The following RASGRF2 variants were observed in gnomAD, a reference collection of about 807,000 sequenced individuals.
RASGRF2 encodes Ras protein specific guanine nucleotide releasing factor 2.
Under a neutral mutation model 151.0 loss-of-function variants are expected in RASGRF2, and 76 were observed. The observed-to-expected ratio is 0.50, with a 90% confidence interval of 0.42 to 0.61. The LOEUF is 0.61. Among genes scored for constraint, RASGRF2 ranks in the 20% least tolerant of loss-of-function variants. The pLI, the probability that RASGRF2 is intolerant of heterozygous loss-of-function variation, is 0.00. For missense variants in RASGRF2, 1,148 were observed against 1,564.6 expected, an observed-to-expected ratio of 0.73 and a Z score of 4.49; for synonymous variants, 504 against 566.5, an observed-to-expected ratio of 0.89 and a Z score of 1.57.
At chr5:80,962,656 T>C (rs553175045) in intron 1 of RASGRF2, among the ~76,000 whole-genome samples, 91 of 152,194 alleles carry the variant, frequency 6.0e-4, no homozygotes, top group Non-Finnish European at 8.2e-4. Context: ...CCTGTTACAA[T>C]TCATATGGCT....
chr5:81,179,395 G>A (rs916826624), intron 17 of RASGRF2, among the ~76,000 whole-genome samples: 3 of 152,194 alleles, frequency 2.0e-5, no homozygotes, highest in African/African-American at 7.2e-5. Context: ...GTGGGAAACC[G>A]GTCACCAGAG....
intron 15 of RASGRF2, among the ~76,000 whole-genome samples, chr5:81,120,921 C>T (rs577963147): frequency 1.1e-4 from 16 of 152,268 alleles, no homozygotes; most frequent in Non-Finnish European, 1.9e-4. Context: ...AATTAAGGCT[C>T]GGGTTGAGGT....
In RASGRF2 at chr5:81,180,299, T is replaced by C; in HGVS notation, c.2793+18T>C. 7.0e-7 allele frequency: 1 copy of C among 1,435,172 alleles called. No individual in the cohort carries two copies. Among genetic ancestry groups the C allele is most frequent in the Non-Finnish European group, 9.8e-7 (1 of 1,017,324 alleles). The allele number at this position is 1,435,172 out of a possible 1,614,324, so 88.9% of individuals were successfully genotyped here. On this transcript the variant is annotated intron_variant, in intron 18 of 26. Transcript: ENST00000265080. ...ACGCACAGGTAAGTCAGTGCCCTCA[T>C]TAATTACTTGCAAGGATTTTTTAAA...
At chr5:80,989,454 C>A (rs1748580369) in intron 1 of RASGRF2, among the ~76,000 whole-genome samples, 2 of 152,134 alleles carry the variant, frequency 1.3e-5, no homozygotes, top group Admixed American at 1.3e-4. Context: ...TTGCTCATTT[C>A]TGTTTGGCTA....
chr5:81,014,570 G>A (rs1749570637), intron 1 of RASGRF2, among the ~76,000 whole-genome samples: 1 of 152,172 alleles, frequency 6.6e-6, no homozygotes, highest in Admixed American at 6.5e-5. Context: ...TGAGATTTGG[G>A]TTGGGAAACA....
intron 12 of RASGRF2, among the ~76,000 whole-genome samples, chr5:81,096,876 C>CA (rs201130339): frequency 6.7e-5 from 10 of 148,914 alleles, no homozygotes; most frequent in East Asian, 2.0e-4. Context: ...TGCTGCTTAG[C>CA]AAAAAAAAAT....
chr5:81,014,579 C>A (rs981344219), intron 1 of RASGRF2, among the ~76,000 whole-genome samples: 2 of 152,182 alleles, frequency 1.3e-5, no homozygotes, highest in Admixed American at 1.3e-4. Flanking sequence ...GGTTGGGAAA[C>A]AGCCAAACCA....
At chr5:81,221,554 G>A (rs1755857543) in intron 26 of RASGRF2, among the ~76,000 whole-genome samples, 1 of 152,080 alleles carries the variant, frequency 6.6e-6, no homozygotes, top group Non-Finnish European at 1.5e-5. Flanking sequence ...CTTTCTGATA[G>A]TATAAGATGC....
intron 1 of RASGRF2, among the ~76,000 whole-genome samples, chr5:81,004,071 C>T (rs1243949557): frequency 1.3e-5 from 2 of 152,152 alleles, no homozygotes; most frequent in Non-Finnish European, 2.9e-5. Flanking sequence ...GGGTCCCTGC[C>T]CCAGAGCTGT....
chr5:81,208,673 TC>T (rs139747197), intron 22 of RASGRF2, among the ~76,000 whole-genome samples: 44,681 of 149,850 alleles, frequency 0.3, 6,967 homozygotes, highest in Middle Eastern at 0.39. Context: ...TGCCTCAGCC[TC>T]CCGAGTAGCT....
chr5:81,032,298 A>G (rs888769031), intron 1 of RASGRF2, among the ~76,000 whole-genome samples: 1 of 152,246 alleles, frequency 6.6e-6, no homozygotes, highest in Admixed American at 6.5e-5. Context: ...TCATTTTATG[A>G]GGCTAGCATC....
intron 18 of RASGRF2, among the ~76,000 whole-genome samples, chr5:81,186,021 A>G (rs1755017924): frequency 6.6e-6 from 1 of 152,212 alleles, no homozygotes; most frequent in Admixed American, 6.5e-5. Flanking sequence ...CAGGGAGTCT[A>G]GGGTCCCTTG....
intron 4 of RASGRF2, among the ~76,000 whole-genome samples, chr5:81,072,536 C>T (rs940466402): frequency 3.9e-5 from 6 of 152,142 alleles, no homozygotes; most frequent in African/African-American, 1.2e-4. Context: ...GAATCTGCCA[C>T]ATCTAAAGTG....
At chr5:81,198,641 G>T (rs975794440) in intron 18 of RASGRF2, among the ~76,000 whole-genome samples, 1 of 152,084 alleles carries the variant, frequency 6.6e-6, no homozygotes, top group Non-Finnish European at 1.5e-5. Context: ...GGGTTTCACC[G>T]TGTTAGCCAG....
intron 6 of RASGRF2, among the ~76,000 whole-genome samples, 155 bp from the exon 7 acceptor site, chr5:81,080,441 G>A (rs975803959): frequency 6.6e-6 from 1 of 152,150 alleles, no homozygotes; most frequent in African/African-American, 2.4e-5. Flanking sequence ...TGCTGCCCAT[G>A]AGTGCATTCT....
intron 7 of RASGRF2, among the ~76,000 whole-genome samples, chr5:81,085,121 C>T (rs1752192846): frequency 6.6e-6 from 1 of 152,208 alleles, no homozygotes; most frequent in African/African-American, 2.4e-5. Flanking sequence ...GATGTTCATG[C>T]ATGTTATTGT....
chr5:81,043,026 C>G (rs1343128206), intron 2 of RASGRF2, 43 bp downstream of exon 2: 15 of 1,465,886 alleles, frequency 1.0e-5, no homozygotes, highest in African/African-American at 2.8e-5. Flanking sequence ...TTGTCTGGGT[C>G]CTGCATTGGG....
intron 5 of RASGRF2, among the ~76,000 whole-genome samples, chr5:81,077,037 TATA>T (rs1351173815): frequency 6.6e-6 from 1 of 152,108 alleles, no homozygotes; most frequent in African/African-American, 2.4e-5. Context: ...AGGAAGAGAT[TATA>T]ATAATGAGCC....
At chr5:81,143,899 A>G (rs1753944134) in intron 17 of RASGRF2, among the ~76,000 whole-genome samples, 1 of 152,088 alleles carries the variant, frequency 6.6e-6, no homozygotes, top group African/African-American at 2.4e-5. Flanking sequence ...GAAAAAAAAA[A>G]AAAAAGACTA....
Sources: allele counts gnomAD v4.1 joint callset (sites outside exome capture counted in the v4.1 genomes callset), GRCh38; gene constraint gnomAD v4.1.1; transcripts MANE v1.5; gene names NCBI Gene and HGNC (gene_info 2026-07-23, HGNC 2026-07-21).